Variants in RNF146 observed in about 807,000 individuals in gnomAD.
The protein encoded by RNF146 is E3 ubiquitin-protein ligase RNF146.
In RNF146, 11 loss-of-function variants were observed where a neutral mutation model predicts 29.7. The ratio of observed to expected loss-of-function variants is 0.37; its 90% CI spans 0.23 to 0.61. RNF146 has a LOEUF of 0.61. RNF146 is among the 20% of genes least tolerant of loss of function. RNF146 has a pLI of 0.66. For missense variants in RNF146, 342 were observed against 438.9 expected, an observed-to-expected ratio of 0.78 and a Z score of 1.97; for synonymous variants, 150 against 159.7, an observed-to-expected ratio of 0.94 and a Z score of 0.46.
chr6:127,284,282 T>TTG (rs1562289564), intron 2 of RNF146, among the ~76,000 whole-genome samples: 1 of 151,852 alleles, frequency 6.6e-6, no homozygotes, highest in Non-Finnish European at 1.5e-5. Context: ...ATCCTGTCCT[T>TTG]TGTTCATAAG....
intron 1 of RNF146, among the ~76,000 whole-genome samples, chr6:127,277,570 A>G (rs1442357386): frequency 2.0e-5 from 3 of 152,022 alleles, no homozygotes; most frequent in Non-Finnish European, 4.4e-5. Flanking sequence ...GAGCAAGGAG[A>G]GCTAGTCCGA....
chr6:127,274,335 T>A (rs769998378), intron 1 of RNF146, among the ~76,000 whole-genome samples: 1 of 152,180 alleles, frequency 6.6e-6, no homozygotes, highest in Admixed American at 6.6e-5. Context: ...TTTGTACTTA[T>A]TTTGAAGCTG....
At chr6:127,267,592 T>C (rs1776837702) in intron 1 of RNF146, among the ~76,000 whole-genome samples, 1 of 152,128 alleles carries the variant, frequency 6.6e-6, no homozygotes, top group African/African-American at 2.4e-5. Flanking sequence ...CTCTCGCTCT[T>C]CCTCCTTTTT....
At chr6:127,267,912 T>C (rs1776891001) in intron 1 of RNF146, among the ~76,000 whole-genome samples, 1 of 152,198 alleles carries the variant, frequency 6.6e-6, no homozygotes, top group African/African-American at 2.4e-5. Context: ...TGTAAAATTG[T>C]TTTAAGAGTG....
At chr6:127,266,740 G>C (rs1776644499), upstream of RNF146, 1 of 152,194 alleles carries the variant, frequency 6.6e-6, no homozygotes, top group South Asian at 2.1e-4. Context: ...AGCGGCGCGA[G>C]ACAGGGGCAG....
chr6:127,275,415 G>A (rs772860214), intron 1 of RNF146, among the ~76,000 whole-genome samples: 3 of 152,188 alleles, frequency 2.0e-5, no homozygotes, highest in Non-Finnish European at 4.4e-5. Context: ...CAAGTGTTGT[G>A]TTATTTGAAT....
At chr6:127,278,297 T>C (rs542057451) in intron 1 of RNF146, among the ~76,000 whole-genome samples, 38 of 149,112 alleles carry the variant, frequency 2.5e-4, no homozygotes, top group Non-Finnish European at 4.7e-4. Flanking sequence ...CTATCACCAT[T>C]ATAGATTTTC....
chr6:127,287,769 A>C lies in RNF146; in HGVS notation c.*76A>C. The C allele has an allele frequency of 1.0e-5, 9 of 896,670 alleles. No individual in the cohort carries two copies. The highest frequency in any genetic ancestry group is 2.3e-5 in the Admixed American group (1 of 43,120). 55.5% of individuals were successfully genotyped at this position (896,670 alleles called of 1,614,324 possible). On this transcript the variant is annotated 3_prime_UTR_variant, in exon 3 of 3. Transcript: ENST00000368314. ...TTTCTGCCCACATAACATTATACTCATCCCTAGTAGTGCATTTTGGGAGTT... is the reference window on the plus strand; with the variant it reads ...TTTCTGCCCACATAACATTATACTCCTCCCTAGTAGTGCATTTTGGGAGTT...
chr6:127,268,601 A>T (rs1777001878), intron 1 of RNF146, among the ~76,000 whole-genome samples: 1 of 152,182 alleles, frequency 6.6e-6, no homozygotes, highest in Admixed American at 6.5e-5. Context: ...CCAATCTTTC[A>T]TTTAGAATTT....
At chr6:127,273,527 A>G (rs1369559613) in intron 1 of RNF146, among the ~76,000 whole-genome samples, 2 of 152,014 alleles carry the variant, frequency 1.3e-5, no homozygotes, top group Non-Finnish European at 2.9e-5. Context: ...TACATGATTC[A>G]TCTGCAAGTT....
rs112557114 is a variant in RNF146, at chr6:127,283,275, A to G, written c.2+2935A>G. On this transcript the variant is annotated intron_variant, in intron 2 of 2. Coordinates refer to ENST00000368314, the MANE Select transcript of RNF146 (RefSeq NM_001242850.2). ...AGTAAATGATGTATTATACTTATTA[A>G]TAGAATTGGACTAACGTCACTCCAA... Among the ~76,000 whole-genome samples the G allele has an allele frequency of 2.6e-5, 4 of 151,960 alleles. 1 individual carries two copies. Among genetic ancestry groups the G allele is most frequent in the African/African-American group, 9.6e-5 (4 of 41,510 alleles).
At position 127,286,432 on chromosome 6, in the gene RNF146, A is replaced by T. The variant is rs1364026276; in HGVS notation, c.3-184A>T. 1 of 705,750 alleles carries T rather than the reference A, an allele frequency of 1.4e-6. No individual in the cohort carries two copies. Among genetic ancestry groups the T allele is most frequent in the African/African-American group, 1.8e-5 (1 of 55,556 alleles). 43.7% of individuals were successfully genotyped at this position (705,750 alleles called of 1,614,324 possible). A position where few individuals can be genotyped will look rare whatever the true frequency, so the allele number is the denominator to read the frequency against. On this transcript the variant is annotated intron_variant, in intron 2 of 2. Coordinates refer to ENST00000368314, the MANE Select transcript of RNF146 (RefSeq NM_001242850.2). This position sits in a 1 kb window ranked among gnomAD's most constrained non-coding sequence, Gnocchi z 4.6. ...ACATTCCCAAGGTATGTACAAGTAG[A>T]TGCTTACAAAAAATTTTCATCGGTT... is the stretch of plus-strand genomic sequence containing the variant.
chr6:127,268,201 A>G (rs1776937566), intron 1 of RNF146, among the ~76,000 whole-genome samples: 1 of 152,190 alleles, frequency 6.6e-6, no homozygotes, highest in Non-Finnish European at 1.5e-5. Context: ...TAGTGGGCAC[A>G]TCCCCCCCAC....
chr6:127,285,937 A>G (rs1347426576), intron 2 of RNF146: 2 of 685,390 alleles, frequency 2.9e-6, no homozygotes, highest in Non-Finnish European at 4.1e-6. Context: ...GGAACATGGC[A>G]GGTGTTTAGT....
intron 1 of RNF146, among the ~76,000 whole-genome samples, chr6:127,271,559 C>T (rs1777502746): frequency 6.6e-6 from 1 of 152,132 alleles, no homozygotes; most frequent in Non-Finnish European, 1.5e-5. Flanking sequence ...ATATGCAAGA[C>T]ATTCTAGACC....
chr6:127,283,972 T>G (rs1779212598), intron 2 of RNF146, among the ~76,000 whole-genome samples: 1 of 151,844 alleles, frequency 6.6e-6, no homozygotes, highest in East Asian at 1.9e-4. Flanking sequence ...TTGTAATTGC[T>G]TTCTTAGTTT....
At position 127,287,342 on chromosome 6, in the gene RNF146, G is replaced by T; in HGVS notation, c.729G>T (p.Leu243=). 1 of 1,613,406 alleles carries T rather than the reference G, an allele frequency of 6.2e-7. No homozygotes were observed. Among genetic ancestry groups the T allele is most frequent in the East Asian group, 2.2e-5 (1 of 44,830 alleles). The change falls in exon 3 of 3, where the codon CTG becomes CTT. Residue 243 remains leucine, a synonymous_variant. Coordinates refer to ENST00000368314, the MANE Select transcript of RNF146 (RefSeq NM_001242850.2). The part of the protein sequence containing the change: ...ATPSPDASTS[L]EDSFAHLQLS... ...CATCCCCTGATGCAAGCACTTCTCT[G>T]GAAGACTCTTTTGCTCATTTACAAC... is the stretch of plus-strand genomic sequence containing the variant.
rs1235373395 is a variant in RNF146, at chr6:127,286,704, T to A, written c.91T>A (p.Ser31Thr). 1.9e-6 allele frequency: 3 copies of A among 1,613,258 alleles called. No individual in the cohort carries two copies. The highest frequency in any genetic ancestry group is 2.5e-6 in the Non-Finnish European group (3 of 1,179,592). The change falls in exon 3 of 3, where the codon TCT becomes ACT. Residue 31 changes from serine to threonine, a missense_variant. Ser to Thr is a moderately conservative substitution (Grantham distance 58). Transcript: ENST00000368314. The surrounding 1 kb of genome is among the most constrained non-coding windows in gnomAD (Gnocchi z 4.6). Reference sequence around the variant, plus strand: ...CGAGTCCTGTTCTAATACTGCACCTTCTTTAACCGTCCCTGAATGTGCCAT... The same window carrying A: ...CGAGTCCTGTTCTAATACTGCACCTACTTTAACCGTCCCTGAATGTGCCAT... ...ANESCSNTAP[S>T]LTVPECAICL...
chr6:127,268,517 C>G (rs975615228), intron 1 of RNF146, among the ~76,000 whole-genome samples: 5 of 152,156 alleles, frequency 3.3e-5, no homozygotes, highest in African/African-American at 1.2e-4. Flanking sequence ...AGAGTGAACA[C>G]CACTCTAAAA....
Sources: gnomAD v4.1 joint callset for allele counts (sites outside exome capture counted in the v4.1 genomes callset) on GRCh38, gnomAD v4.1.1 for gene constraint, Gnocchi (gnomAD v3.1) non-coding constraint, MANE v1.5 for transcripts, NCBI Gene and HGNC (gene_info 2026-07-23, HGNC 2026-07-21) for gene names.